Variants in ERC1 observed in about 807,000 individuals in gnomAD.
The protein encoded by ERC1 is RAB6 interacting protein 2.
Under a neutral mutation model 132.0 loss-of-function variants are expected in ERC1, and 56 were observed. That is an observed-to-expected ratio of 0.42 (90% CI 0.34 to 0.53). The LOEUF (loss-of-function observed/expected upper bound fraction) is 0.53, where lower values mean the gene tolerates loss of function less well. Ranked by LOEUF, ERC1 falls within the 20% of genes least tolerant of loss-of-function variation. The pLI is 0.03. For synonymous variants in ERC1, 478 were observed against 476.1 expected, an observed-to-expected ratio of 1.00 and a Z score of -0.05; for missense variants, 1,202 against 1,349.9, an observed-to-expected ratio of 0.89 and a Z score of 1.72.
At chr12:1,419,386 A>G (rs1167226789) in intron 17 of ERC1, among the ~76,000 whole-genome samples, 6 of 151,496 alleles carry the variant, frequency 4.0e-5, no homozygotes, top group African/African-American at 1.5e-4. Context: ...CTTTATGTAG[A>G]TATGACATAC....
At chr12:1,083,677 G>C in intron 3 of ERC1, 97 bp downstream of exon 3, 1 of 939,252 alleles carries the variant, frequency 1.1e-6, no homozygotes, top group Non-Finnish European at 1.6e-6. Flanking sequence ...GTGCTCTGCC[G>C]TGCTGGTGGA....
At chr12:1,480,837 C>T (rs1446089618) in intron 18 of ERC1, 12 of 702,446 alleles carry the variant, frequency 1.7e-5, no homozygotes, top group South Asian at 1.6e-4. Context: ...CCCAACTTAT[C>T]CACAGAATCC....
At position 1,169,185 on chromosome 12, in the gene ERC1, G is replaced by A. The variant is rs183815440; in HGVS notation, c.1738-11355G>A. Among the ~76,000 whole-genome samples the A allele has an allele frequency of 3.0e-4, 46 of 150,824 alleles. No individual in the cohort carries two copies. The East Asian group carries it at 6.6e-3, about 22-fold the overall frequency. Reference sequence around the variant, plus strand: ...TAACTAGAAAGAGTGTAGCTGTTGGGTATGGTGGATGCTGCGATGATCGAT... The same window carrying A: ...TAACTAGAAAGAGTGTAGCTGTTGGATATGGTGGATGCTGCGATGATCGAT... On this transcript the variant is annotated intron_variant, in intron 8 of 18. Coordinates refer to ENST00000360905, the MANE Select transcript of ERC1 (RefSeq NM_178040.4).
chr12:1,011,210 GT>G (rs1316840819), intron 1 of ERC1, among the ~76,000 whole-genome samples: 1 of 151,448 alleles, frequency 6.6e-6, no homozygotes, highest in Non-Finnish European at 1.5e-5. Flanking sequence ...TCCTTTTTTT[GT>G]TTTTTGAGAC....
chr12:1,359,133 A>G (rs1387410652), intron 15 of ERC1, among the ~76,000 whole-genome samples: 3 of 152,236 alleles, frequency 2.0e-5, no homozygotes, highest in East Asian at 1.9e-4. Context: ...AAGAAAAAGC[A>G]TAACAGCTTC....
chr12:1,328,218 G>A (rs2082599260), intron 15 of ERC1, among the ~76,000 whole-genome samples: 1 of 151,914 alleles, frequency 6.6e-6, no homozygotes, highest in Admixed American at 6.6e-5. Flanking sequence ...ATAATCACTG[G>A]TCACTGTAAC....
At chr12:1,172,759 TATTA>T (rs59199802) in intron 8 of ERC1, among the ~76,000 whole-genome samples, 15,903 of 152,180 alleles carry the variant, frequency 0.1, 1,176 homozygotes, top group African/African-American at 0.19. Flanking sequence ...ACAATTATTT[TATTA>T]ATTTTCAATT....
intron 1 of ERC1, among the ~76,000 whole-genome samples, chr12:1,018,074 T>C (rs926837014): frequency 6.6e-6 from 1 of 152,252 alleles, no homozygotes; most frequent in Non-Finnish European, 1.5e-5. Context: ...TGTATTCTTA[T>C]TAATGCAGGA....
At chr12:1,407,572 T>TG (rs2091583776) in intron 16 of ERC1, among the ~76,000 whole-genome samples, 1 of 150,946 alleles carries the variant, frequency 6.6e-6, no homozygotes, top group African/African-American at 2.5e-5. Context: ...GTGCTTGATT[T>TG]GGGGATATTG....
chr12:1,449,024 A>C (rs568818046), intron 18 of ERC1, among the ~76,000 whole-genome samples: 3 of 152,360 alleles, frequency 2.0e-5, no homozygotes, highest in African/African-American at 7.2e-5. Flanking sequence ...ACGTGGAGTT[A>C]AAGGAGATCA....
At chr12:1,097,318 T>C (rs1944160256) in intron 3 of ERC1, among the ~76,000 whole-genome samples, 1 of 152,240 alleles carries the variant, frequency 6.6e-6, no homozygotes, top group Non-Finnish European at 1.5e-5. Context: ...AGGGTTGTTT[T>C]GTCTGGCAAG....
intron 12 of ERC1, among the ~76,000 whole-genome samples, chr12:1,196,524 C>T (rs1311744846): frequency 4.1e-5 from 6 of 146,800 alleles, no homozygotes; most frequent in African/African-American, 1.5e-4. Context: ...GACAGAATCT[C>T]ACTCTGTTGC....
chr12:1,093,635 T>A (rs146791335), intron 3 of ERC1, among the ~76,000 whole-genome samples: 79 of 152,260 alleles, frequency 5.2e-4, no homozygotes, highest in African/African-American at 1.8e-3. Flanking sequence ...TAAAACATTA[T>A]TGCAGCCTAC....
intron 12 of ERC1, among the ~76,000 whole-genome samples, chr12:1,195,105 C>G (rs532804212): frequency 6.6e-6 from 1 of 152,054 alleles, no homozygotes. Context: ...AAAAAAACCA[C>G]AACAACTTTG....
rs189847742 is a variant in ERC1, at chr12:1,161,508, C to A, written c.1738-19032C>A. Reference sequence around the variant, plus strand: ...ATTACGAACTCTGAAATCACTTGCTCCCTGGCAAAATTATACCCAATTTTT... The same window carrying A: ...ATTACGAACTCTGAAATCACTTGCTACCTGGCAAAATTATACCCAATTTTT... On this transcript the variant is annotated intron_variant, in intron 8 of 18. Transcript: ENST00000360905. Among the ~76,000 whole-genome samples, 349 of 152,256 alleles carry A rather than the reference C, an allele frequency of 2.3e-3. 1 individual carries two copies. The highest frequency in any genetic ancestry group is 6.9e-3 in the Admixed American group (105 of 15,290).
intron 6 of ERC1, among the ~76,000 whole-genome samples, chr12:1,114,244 A>G (rs1192899624): frequency 6.6e-6 from 1 of 151,832 alleles, no homozygotes; most frequent in Non-Finnish European, 1.5e-5. Context: ...GATGGTCTTG[A>G]TCTCCTGACC....
At chr12:1,436,000 C>T (rs549465475) in intron 17 of ERC1, among the ~76,000 whole-genome samples, 1 of 152,226 alleles carries the variant, frequency 6.6e-6, no homozygotes, top group South Asian at 2.1e-4. Context: ...ATGATGAGAC[C>T]CTCAGTGGCT....
chr12:1,002,245 C>T (rs545812170), intron 1 of ERC1, among the ~76,000 whole-genome samples: 1 of 134,564 alleles, frequency 7.4e-6, no homozygotes, highest in South Asian at 2.5e-4. Context: ...GTGATCATGG[C>T]TCACTGCAGC....
intron 15 of ERC1, among the ~76,000 whole-genome samples, chr12:1,295,991 A>G (rs1388974330): frequency 6.9e-6 from 1 of 144,924 alleles, no homozygotes; most frequent in African/African-American, 2.6e-5. Context: ...ACCTCTGAGG[A>G]GTCCTATTTG....
Sources: allele counts gnomAD v4.1 joint callset (sites outside exome capture counted in the v4.1 genomes callset), GRCh38; gene constraint gnomAD v4.1.1; transcripts MANE v1.5; gene names NCBI Gene and HGNC (gene_info 2026-07-23, HGNC 2026-07-21).